SIN3B: variants seen among roughly 807,000 people sequenced by gnomAD.
SIN3B encodes SIN3 transcription regulator family member B.
Under a neutral mutation model 120.2 loss-of-function variants are expected in SIN3B, and 19 were observed. The ratio of observed to expected loss-of-function variants is 0.16; its 90% CI spans 0.11 to 0.23. The LOEUF (loss-of-function observed/expected upper bound fraction) is 0.23. SIN3B is among the 10% of genes least tolerant of loss of function. The pLI is 1.00. For synonymous variants in SIN3B, 654 were observed against 653.2 expected (o/e 1.00, Z -0.02); for missense variants, 1,073 against 1,573.0 (o/e 0.68, Z 5.38).
intron 8 of SIN3B, among the ~76,000 whole-genome samples, chr19:16,861,006 T>A (rs1971680966): frequency 6.6e-6 from 1 of 152,174 alleles, no homozygotes; most frequent in Admixed American, 6.5e-5. Flanking sequence ...CGCCTTGGCC[T>A]CCTGAGTAGC....
In SIN3B at chr19:16,879,012, C is replaced by G; in HGVS notation, c.*285C>G. Reference sequence around the variant, plus strand: ...GAACAAGCAATCATGTTTGCGTCCCCGTCCGTCACATGTGCCAAATCCCTG... The same window carrying G: ...GAACAAGCAATCATGTTTGCGTCCCGGTCCGTCACATGTGCCAAATCCCTG... On this transcript the variant is annotated 3_prime_UTR_variant, in exon 19 of 19. Transcript: ENST00000248054. The G allele has an allele frequency of 2.0e-6, 1 of 493,078 alleles. No individual in the cohort carries two copies. 30.5% of individuals were successfully genotyped at this position (493,078 alleles called of 1,614,324 possible). A position where few individuals can be genotyped will look rare whatever the true frequency, so the allele number is the denominator to read the frequency against.
rs980885534 is a variant in SIN3B at position 16,878,361 on chromosome 19, C to T, written c.3133C>T (p.Arg1045Cys). Residue 1045 changes from arginine to cysteine, a missense_variant, in exon 18 of 19, where the codon CGT becomes TGT. Arg to Cys is a radical substitution (Grantham distance 180). This residue lies in a region of SIN3B where 311 missense variants were observed against 400.3 expected (regional missense o/e 0.78). Coordinates refer to ENST00000248054, the MANE Select transcript of SIN3B (RefSeq NM_001297595.2). Reference protein sequence around the residue: ...FIVNSEDYMYRRGTLCRAKQV... With the variant: ...FIVNSEDYMYCRGTLCRAKQV... ...CGTGAACTCCGAGGACTACATGTAC[C>T]GTCGCGGGACCCTCTGCCGGGCCAA... 11 of 1,612,072 alleles carry T rather than the reference C, an allele frequency of 6.8e-6. No individual in the cohort carries two copies. The East Asian group carries it at 1.3e-4, about 20-fold the overall frequency.
At chr19:16,851,054 G>T (rs1267077443) in intron 5 of SIN3B, among the ~76,000 whole-genome samples, 1 of 151,480 alleles carries the variant, frequency 6.6e-6, no homozygotes, top group Non-Finnish European at 1.5e-5. Context: ...TGTTTCTGTG[G>T]TGCCGGCATG....
chr19:16,875,594 T>A (rs111070344), intron 14 of SIN3B, among the ~76,000 whole-genome samples: 1 of 138,196 alleles, frequency 7.2e-6, no homozygotes, highest in Non-Finnish European at 1.5e-5. Flanking sequence ...GGTTTTGGTT[T>A]GGTCTGGTCT....
chr19:16,847,207 C>A, intron 5 of SIN3B, 94 bp downstream of exon 5: 1 of 1,382,848 alleles, frequency 7.2e-7, no homozygotes, highest in Non-Finnish European at 9.8e-7. Flanking sequence ...AGCCTATGTA[C>A]CCTCCAGGCC....
chr19:16,861,244 T>C (rs1971683659), intron 8 of SIN3B, among the ~76,000 whole-genome samples: 1 of 152,098 alleles, frequency 6.6e-6, no homozygotes, highest in African/African-American at 2.4e-5. Context: ...CAGATGGGCT[T>C]TGTGGAAATG....
At chr19:16,858,921 G>T (rs1281930775) in intron 8 of SIN3B, among the ~76,000 whole-genome samples, 11 of 152,092 alleles carry the variant, frequency 7.2e-5, no homozygotes, top group African/African-American at 2.7e-4. Context: ...CTGCACTCTA[G>T]CCTGGGCAAC....
At chr19:16,830,005 G>T in intron 2 of SIN3B, 108 bp downstream of exon 2, 1 of 720,518 alleles carries the variant, frequency 1.4e-6, no homozygotes, top group South Asian at 1.6e-5. Context: ...GGGTGACCTT[G>T]CGCAGGTTGT....
chr19:16,870,207 G>A, intron 13 of SIN3B, 132 bp downstream of exon 13: 2 of 1,126,834 alleles, frequency 1.8e-6, no homozygotes, highest in Non-Finnish European at 2.4e-6. Flanking sequence ...TTTCAAATGG[G>A]AAATTGCAAA....
intron 3 of SIN3B, among the ~76,000 whole-genome samples, chr19:16,835,154 G>A (rs1481668231): frequency 1.3e-5 from 2 of 150,968 alleles, no homozygotes; most frequent in Admixed American, 6.6e-5. Flanking sequence ...TTGAACTCCC[G>A]ACCTCACGTG....
intron 14 of SIN3B, among the ~76,000 whole-genome samples, chr19:16,874,944 T>C (rs2051568955): frequency 6.6e-6 from 1 of 151,528 alleles, no homozygotes; most frequent in Non-Finnish European, 1.5e-5. Context: ...TTTGGTCTGA[T>C]CTGATCTGGT....
At chr19:16,872,428 ATTTC>A (rs2051523347) in intron 14 of SIN3B, 1 of 150,502 alleles carries the variant, frequency 6.6e-6, no homozygotes, top group Admixed American at 6.6e-5. Flanking sequence ...CACAACCCTG[ATTTC>A]TTTTTCTTCT....
At chr19:16,835,467 G>T (rs1971336275) in intron 3 of SIN3B, among the ~76,000 whole-genome samples, 1 of 149,152 alleles carries the variant, frequency 6.7e-6, no homozygotes, top group African/African-American at 2.5e-5. Context: ...CTGACCTCAT[G>T]ATCTGCCCAC....
chr19:16,876,860 A>C lies in SIN3B; in HGVS notation c.2859+282A>C. 1 of 375,168 alleles carries C rather than the reference A, an allele frequency of 2.7e-6. No homozygotes were observed. Among genetic ancestry groups the C allele is most frequent in the Non-Finnish European group, 4.9e-6 (1 of 205,616 alleles). 23.2% of individuals were successfully genotyped at this position (375,168 alleles called of 1,614,324 possible). On this transcript the variant is annotated intron_variant, in intron 16 of 18. Transcript: ENST00000248054. The surrounding 1 kb of genome is among the most constrained non-coding windows in gnomAD (Gnocchi z 7.1). ...CCAAGCCACCTCTCCCTGGCCCCCGACTCCCACTCAGGGCATCCCGTGGCT... is the reference window on the plus strand; with the variant it reads ...CCAAGCCACCTCTCCCTGGCCCCCGCCTCCCACTCAGGGCATCCCGTGGCT...
At position 16,865,633 on chromosome 19, in the gene SIN3B, C is replaced by T. The variant is rs1463265701; in HGVS notation, c.1607C>T (p.Pro536Leu). Residue 536 changes from proline to leucine, a missense_variant, in exon 11 of 19, where the codon CCC becomes CTC. Physicochemically the swap from Pro to Leu is moderately conservative, Grantham distance 98. This residue lies in a region of SIN3B where 118 missense variants were observed against 281.6 expected (regional missense o/e 0.42). Coordinates refer to ENST00000248054, the MANE Select transcript of SIN3B (RefSeq NM_001297595.2). ...AAGAAGAACCCTGTCACCGCTGTCC[C>T]CGTTGTCCTGAAAAGGTGCCCTGTG... Reference protein sequence around the residue: ...SLKKNPVTAVPVVLKRLKAKE... With the variant: ...SLKKNPVTAVLVVLKRLKAKE... The T allele has an allele frequency of 2.5e-6, 4 of 1,605,822 alleles. No homozygotes were observed. Among genetic ancestry groups the T allele is most frequent in the Admixed American group, 1.7e-5 (1 of 59,616 alleles).
Position 16,841,791 on chromosome 19 carries a change from C to A in SIN3B, c.405C>A (p.Asp135Glu), listed in dbSNP as rs201238702. 3 of 1,613,926 alleles carry A rather than the reference C, an allele frequency of 1.9e-6. No individual in the cohort carries two copies. The highest frequency in any genetic ancestry group is 2.2e-5 in the South Asian group (2 of 91,040). The stretch of plus-strand genomic sequence containing the variant: ...AGGAGAATTCGCACAACCACGGGGA[C>A]GGTGCAGAGGACTTCAAGCAGCAGG... ...TSQENSHNHG[D>E]GAEDFKQQVP... Residue 135 changes from aspartate to glutamate, a missense_variant, in exon 4 of 19, where the codon GAC (aspartate) becomes GAA (glutamate). Transcript: ENST00000248054.
Position 16,876,809 on chromosome 19 carries a change from G to A in SIN3B, c.2859+231G>A, listed in dbSNP as rs1249020373. 2.3e-5 allele frequency: 11 copies of A among 487,724 alleles called. No homozygotes were observed. The highest frequency in any genetic ancestry group is 3.3e-5 in the Non-Finnish European group (9 of 272,746). 30.2% of individuals were successfully genotyped at this position (487,724 alleles called of 1,614,324 possible). A position where few individuals can be genotyped will look rare whatever the true frequency, so the allele number is the denominator to read the frequency against. ...AGCAGACCACTCCTCCTGAGCAAGC[G>A]GTTGTGTCCCAGGGCAGGAGGGGAA... On this transcript the variant is annotated intron_variant, in intron 16 of 18. Transcript: ENST00000248054. The surrounding 1 kb of genome is among the most constrained non-coding windows in gnomAD (Gnocchi z 7.1).
At chr19:16,874,519 G>A (rs887622544) in intron 14 of SIN3B, among the ~76,000 whole-genome samples, 4 of 151,892 alleles carry the variant, frequency 2.6e-5, no homozygotes, top group African/African-American at 9.7e-5. Flanking sequence ...GATTTGGTCT[G>A]CTCTGATCTG....
At chr19:16,846,270 A>G (rs1568415558) in intron 4 of SIN3B, 2 of 152,118 alleles carry the variant, frequency 1.3e-5, no homozygotes. Context: ...AAGATTTAAA[A>G]CTTGCTTCCC....
Sources: gnomAD v4.1 joint callset for allele counts (sites outside exome capture counted in the v4.1 genomes callset) on GRCh38, gnomAD v4.1.1 for gene constraint, gnomAD v4.1.1 regional missense constraint, Gnocchi (gnomAD v3.1) non-coding constraint, MANE v1.5 for transcripts, NCBI Gene and HGNC (gene_info 2026-07-23, HGNC 2026-07-21) for gene names.